Variants in LRRTM4 observed in about 807,000 individuals in gnomAD.
The protein encoded by LRRTM4 is leucine-rich repeat transmembrane neuronal protein 4.
A neutral mutation model predicts 47.6 loss-of-function variants in LRRTM4; 25 were observed. That is an observed-to-expected ratio of 0.53 (90% CI 0.38 to 0.73). The LOEUF (loss-of-function observed/expected upper bound fraction) is 0.73, where lower values mean the gene tolerates loss of function less well. Ranked by LOEUF, LRRTM4 falls within the 30% of genes least tolerant of loss-of-function variation. The pLI, the probability that LRRTM4 is intolerant of heterozygous loss-of-function variation, is 0.00. For missense variants in LRRTM4, 638 were observed against 713.4 expected (o/e 0.89, Z 1.20); for synonymous variants, 311 against 269.5 (o/e 1.15, Z -1.51).
At chr2:77,210,849 GAC>G (rs1230973514) in intron 3 of LRRTM4, among the ~76,000 whole-genome samples, 1 of 152,148 alleles carries the variant, frequency 6.6e-6, no homozygotes, top group African/African-American at 2.4e-5. Context: ...CTGCAAGAGA[GAC>G]ACATATGGAG....
intron 3 of LRRTM4, among the ~76,000 whole-genome samples, chr2:77,195,189 G>A (rs1322966674): frequency 6.6e-6 from 1 of 151,750 alleles, no homozygotes; most frequent in Non-Finnish European, 1.5e-5. Context: ...AATTTAAGAG[G>A]TTGATTGGTG....
chr2:77,421,088 C>G (rs76347527), intron 3 of LRRTM4, among the ~76,000 whole-genome samples: 10,341 of 151,390 alleles, frequency 0.068, 493 homozygotes, highest in Non-Finnish European at 0.1. Flanking sequence ...ATTTAGAAAC[C>G]AACTAGAAAA....
chr2:77,004,360 A>G (rs1234808409), intron 3 of LRRTM4, among the ~76,000 whole-genome samples: 1 of 152,184 alleles, frequency 6.6e-6, no homozygotes, highest in Non-Finnish European at 1.5e-5. Context: ...TCATGGCTAA[A>G]AGAGACCAAA....
chr2:76,958,829 A>G (rs1675761415), intron 3 of LRRTM4, among the ~76,000 whole-genome samples: 1 of 151,696 alleles, frequency 6.6e-6, no homozygotes, highest in Non-Finnish European at 1.5e-5. Context: ...CAGATTTTTA[A>G]TTTTGAAATA....
chr2:76,824,200 A>C (rs1671129997), intron 3 of LRRTM4, among the ~76,000 whole-genome samples: 1 of 151,616 alleles, frequency 6.6e-6, no homozygotes, highest in African/African-American at 2.4e-5. Context: ...ACAATCTATT[A>C]ATATCTCCAA....
chr2:76,982,202 T>G (rs965976912), intron 3 of LRRTM4, among the ~76,000 whole-genome samples: 1 of 152,072 alleles, frequency 6.6e-6, no homozygotes, highest in Non-Finnish European at 1.5e-5. Context: ...ACTTCCATTT[T>G]CTCACTCAGT....
intron 3 of LRRTM4, among the ~76,000 whole-genome samples, chr2:77,005,420 G>A (rs1677605816): frequency 6.6e-6 from 1 of 152,196 alleles, no homozygotes; most frequent in African/African-American, 2.4e-5. Context: ...TGGGATTACA[G>A]GCGTGAGCCA....
intron 3 of LRRTM4, among the ~76,000 whole-genome samples, chr2:76,785,639 A>C (rs1674633032): frequency 1.3e-5 from 2 of 152,142 alleles, no homozygotes; most frequent in African/African-American, 4.8e-5. Flanking sequence ...AAGTAGGGTA[A>C]GTAGCTAGAT....
chr2:76,878,051 G>A (rs953830945), intron 3 of LRRTM4, among the ~76,000 whole-genome samples: 1 of 151,918 alleles, frequency 6.6e-6, no homozygotes, highest in Non-Finnish European at 1.5e-5. Context: ...ACCCATTTTT[G>A]CAACAGCGTA....
intron 3 of LRRTM4, among the ~76,000 whole-genome samples, chr2:76,817,161 T>C (rs1670926690): frequency 6.6e-6 from 1 of 151,930 alleles, no homozygotes; most frequent in Admixed American, 6.6e-5. Flanking sequence ...TAATTTCACA[T>C]GGAGAGAACA....
chr2:77,003,557 T>A (rs1677517319), intron 3 of LRRTM4, among the ~76,000 whole-genome samples: 1 of 152,158 alleles, frequency 6.6e-6, no homozygotes, highest in Admixed American at 6.6e-5. Context: ...ATGTAAGATG[T>A]GACTTTGATC....
chr2:76,775,394 T>G (rs568227303), intron 3 of LRRTM4, among the ~76,000 whole-genome samples: 1 of 152,170 alleles, frequency 6.6e-6, no homozygotes, highest in East Asian at 1.9e-4. Flanking sequence ...TGAGGGCAAG[T>G]AGACCATGTA....
chr2:76,749,008 A>G (rs899717487), intron 3 of LRRTM4, 92 bp from the exon 4 acceptor site: 36 of 1,002,868 alleles, frequency 3.6e-5, no homozygotes, highest in Non-Finnish European at 5.1e-5. Context: ...GTTCTCTTTC[A>G]TGCTGTTTCA....
intron 3 of LRRTM4, among the ~76,000 whole-genome samples, chr2:77,171,600 A>G: frequency 6.6e-6 from 1 of 152,062 alleles, no homozygotes; most frequent in Non-Finnish European, 1.5e-5. Context: ...TAAGAGCTTA[A>G]GTATGCATAT....
At chr2:77,006,383 C>T (rs887084530) in intron 3 of LRRTM4, among the ~76,000 whole-genome samples, 3 of 152,066 alleles carry the variant, frequency 2.0e-5, no homozygotes, top group African/African-American at 7.2e-5. Context: ...GTTCCCTGTG[C>T]TATGGTGGAA....
At chr2:76,751,756 C>T (rs1672857153) in intron 3 of LRRTM4, among the ~76,000 whole-genome samples, 1 of 152,062 alleles carries the variant, frequency 6.6e-6, no homozygotes, top group African/African-American at 2.4e-5. Context: ...GGATTGGTGC[C>T]ATGGGTCACT....
chr2:77,519,461 G>A lies in LRRTM4; in HGVS notation c.408C>T (p.Arg136=). ...NKTFHPVPNL[R]NLDLSYNKLQ... The stretch of plus-strand genomic sequence containing the variant: ...GCTTATTGTAGGAGAGGTCCAGATT[G>A]CGGAGATTGGGAACTGGGTGAAATG... The change falls in exon 3 of 4, where the codon CGC becomes CGT. Residue 136 remains arginine, a synonymous_variant. Transcript: ENST00000409884. This position sits in a 1 kb window ranked among gnomAD's most constrained non-coding sequence, Gnocchi z 4.6. 6.2e-7 allele frequency: 1 copy of A among 1,613,492 alleles called. No individual in the cohort carries two copies. Among genetic ancestry groups the A allele is most frequent in the Non-Finnish European group, 8.5e-7 (1 of 1,179,642 alleles).
intron 3 of LRRTM4, among the ~76,000 whole-genome samples, chr2:76,779,258 C>T (rs1232180560): frequency 5.4e-5 from 8 of 147,250 alleles, no homozygotes; most frequent in East Asian, 4.0e-4. Context: ...GTGGAGAGTT[C>T]TGTAGATGTC....
chr2:77,279,317 G>C (rs540625884), intron 3 of LRRTM4, among the ~76,000 whole-genome samples: 24 of 151,798 alleles, frequency 1.6e-4, no homozygotes, highest in Non-Finnish European at 3.5e-4. Flanking sequence ...TTAAATATTT[G>C]GTAATATTAT....
Sources: allele counts gnomAD v4.1 joint callset (sites outside exome capture counted in the v4.1 genomes callset), GRCh38; gene constraint gnomAD v4.1.1; non-coding constraint Gnocchi (gnomAD v3.1); transcripts MANE v1.5; gene names NCBI Gene and HGNC (gene_info 2026-07-23, HGNC 2026-07-21).